KCTD5: variants seen among roughly 807,000 people sequenced by gnomAD.
KCTD5 encodes the protein BTB/POZ domain-containing protein KCTD5.
Under a neutral mutation model 27.9 loss-of-function variants are expected in KCTD5, and 12 were observed. That is an observed-to-expected ratio of 0.43 (90% CI 0.28 to 0.70). KCTD5 has a LOEUF of 0.70. KCTD5 is among the 30% of genes least tolerant of loss of function. The pLI is 0.19. For missense variants in KCTD5, 226 were observed against 274.8 expected (o/e 0.82, Z 1.26); for synonymous variants, 147 against 121.4 (o/e 1.21, Z -1.39).
At chr16:2,704,475 C>G (rs1596226353) in intron 5 of KCTD5, among the ~76,000 whole-genome samples, 1 of 152,370 alleles carries the variant, frequency 6.6e-6, no homozygotes, top group South Asian at 2.1e-4. Context: ...CACACATGAG[C>G]ACACCTGCTT....
At chr16:2,688,710 C>G (rs562213050) in intron 1 of KCTD5, among the ~76,000 whole-genome samples, 1 of 103,680 alleles carries the variant, frequency 9.6e-6, no homozygotes, top group Non-Finnish European at 2.0e-5. Context: ...TGCCAGTCCC[C>G]CTGCTGCCAC....
chr16:2,700,487 A>G (rs564684056), intron 4 of KCTD5, among the ~76,000 whole-genome samples: 6 of 151,024 alleles, frequency 4.0e-5, no homozygotes, highest in East Asian at 1.9e-4. Context: ...CCACTGTGCC[A>G]TGGCATTGTG....
At chr16:2,699,154 C>T in intron 3 of KCTD5, 1 of 456,118 alleles carries the variant, frequency 2.2e-6, no homozygotes, top group Non-Finnish European at 4.4e-6. Flanking sequence ...CGTTTCCGTC[C>T]AGCCCCGTCT....
At chr16:2,700,503 T>C (rs912321408) in intron 4 of KCTD5, among the ~76,000 whole-genome samples, 1 of 147,108 alleles carries the variant, frequency 6.8e-6, no homozygotes, top group Non-Finnish European at 1.5e-5. Flanking sequence ...TTGTGGCTTG[T>C]CATCGGGGAC....
intron 1 of KCTD5, among the ~76,000 whole-genome samples, chr16:2,692,449 C>T (rs950499863): frequency 7.9e-5 from 12 of 152,204 alleles, no homozygotes; most frequent in African/African-American, 2.9e-4. Context: ...TGGCTGGCTC[C>T]TCTCCATTGA....
At position 2,707,309 on chromosome 16, in the gene KCTD5, A is replaced by G; in HGVS notation, c.687A>G (p.Glu229=). ...TTGGTGTTTTTCAGATTTTGCAAGA[A>G]CGAGGCTCAAGGATGTGAGGGACAC... ...EPSEKAKILQ[E]RGSRM is the part of the protein sequence containing the mutation. The change falls in exon 6 of 6, where the codon GAA becomes GAG. Residue 229 remains glutamate (E), a synonymous_variant. Transcript: ENST00000301738. 6.2e-7 allele frequency: 1 copy of G among 1,613,976 alleles called. No individual in the cohort carries two copies. Among genetic ancestry groups the G allele is most frequent in the Non-Finnish European group, 8.5e-7 (1 of 1,179,876 alleles).
At chr16:2,693,317 C>A (rs2067575159) in intron 1 of KCTD5, among the ~76,000 whole-genome samples, 1 of 152,236 alleles carries the variant, frequency 6.6e-6, no homozygotes, top group East Asian at 1.9e-4. Context: ...AGCAGCTGCA[C>A]CAGTTGGCCT....
chr16:2,691,905 C>G (rs1380849127), intron 1 of KCTD5, among the ~76,000 whole-genome samples: 1 of 152,194 alleles, frequency 6.6e-6, no homozygotes, highest in Non-Finnish European at 1.5e-5. Flanking sequence ...GCTGCTGGCC[C>G]CTGAGCACAG....
At chr16:2,685,147 C>T (rs1440483801) in intron 1 of KCTD5, among the ~76,000 whole-genome samples, 8 of 152,122 alleles carry the variant, frequency 5.3e-5, no homozygotes, top group East Asian at 1.9e-4. Context: ...GAGTAGGGGC[C>T]GGGCAAGGTG....
intron 1 of KCTD5, among the ~76,000 whole-genome samples, chr16:2,685,133 AT>A (rs1280176674): frequency 1.3e-5 from 2 of 152,192 alleles, no homozygotes. Flanking sequence ...TCATACAATA[AT>A]TGGAGTAGGG....
intron 2 of KCTD5, among the ~76,000 whole-genome samples, chr16:2,696,549 C>CA (rs1269419197): frequency 6.6e-6 from 1 of 152,276 alleles, no homozygotes; most frequent in African/African-American, 2.4e-5. Flanking sequence ...ACGGCGCCCA[C>CA]ACGCGTTGGG....
intron 5 of KCTD5, among the ~76,000 whole-genome samples, chr16:2,706,112 G>A (rs185531315): frequency 6.6e-6 from 1 of 152,350 alleles, no homozygotes; most frequent in East Asian, 1.9e-4. Flanking sequence ...CGAGGCACTG[G>A]AGAGTGAGTG....
intron 1 of KCTD5, among the ~76,000 whole-genome samples, chr16:2,687,633 C>T (rs566710432): frequency 5.3e-5 from 8 of 152,218 alleles, no homozygotes; most frequent in Non-Finnish European, 7.3e-5. Context: ...GGGCTGTGGC[C>T]GTGATGGGGG....
rs137975835 is a variant in KCTD5 at position 2,698,048 on chromosome 16, G to A, written c.453+51G>A. 2,056 of 1,403,098 alleles carry A rather than the reference G, an allele frequency of 1.5e-3. 31 individuals are homozygous for A. In the African/African-American group the frequency reaches 0.026, roughly 18 times the overall value. The allele number at this position is 1,403,098 out of a possible 1,614,324, so 86.9% of individuals were successfully genotyped here. On this transcript the variant is annotated intron_variant, in intron 3 of 5. Transcript: ENST00000301738. ...GCTTGTATGGCTGGTGTGAAGGAAG[G>A]GCTCCCCTTTACTCCCCCGACCGGC...
intron 3 of KCTD5, 36 bp from the exon 4 acceptor site, chr16:2,699,785 G>A (rs754229928): frequency 2.5e-6 from 4 of 1,598,254 alleles, no homozygotes; most frequent in Non-Finnish European, 3.4e-6. Context: ...TGGGACATGG[G>A]TGGCCCGCCC....
chr16:2,703,151 CCT>C (rs1344281221), intron 5 of KCTD5, among the ~76,000 whole-genome samples: 1 of 152,150 alleles, frequency 6.6e-6, no homozygotes, highest in African/African-American at 2.4e-5. Context: ...TCAGGTTGGC[CCT>C]GTGGCCCTGC....
intron 1 of KCTD5, among the ~76,000 whole-genome samples, chr16:2,685,145 G>T (rs2067535235): frequency 1.3e-5 from 2 of 152,286 alleles, no homozygotes; most frequent in East Asian, 1.9e-4. Flanking sequence ...TGGAGTAGGG[G>T]CCGGGCAAGG....
chr16:2,698,904 G>T (rs2067598686), intron 3 of KCTD5, among the ~76,000 whole-genome samples: 1 of 152,198 alleles, frequency 6.6e-6, no homozygotes, highest in Non-Finnish European at 1.5e-5. Context: ...GGGCTGTGTG[G>T]GCACTCCCTG....
chr16:2,699,694 T>G, intron 3 of KCTD5, 127 bp from the exon 4 acceptor site: 1 of 750,216 alleles, frequency 1.3e-6, no homozygotes, highest in Non-Finnish European at 2.3e-6. Flanking sequence ...AGGATTGCTT[T>G]GGGCCTCGTG....
Sources: gnomAD v4.1 joint callset for allele counts (sites outside exome capture counted in the v4.1 genomes callset) on GRCh38, gnomAD v4.1.1 for gene constraint, MANE v1.5 for transcripts, NCBI Gene and HGNC (gene_info 2026-07-23, HGNC 2026-07-21) for gene names.